Variants in GFRA2 observed in about 807,000 individuals in gnomAD.
GFRA2 encodes GDNF family receptor alpha-2.
GFRA2 carries 17 observed loss-of-function variants against 48.3 expected under a neutral mutation model. The observed-to-expected ratio is 0.35, with a 90% CI of 0.24 to 0.53. The LOEUF (loss-of-function observed/expected upper bound fraction) is 0.53. Among genes scored for constraint, GFRA2 ranks in the 20% least tolerant of loss-of-function variants. The probability of loss-of-function intolerance (pLI) is 0.93; values close to 1 mark genes in which losing one functional copy is unlikely to be tolerated. For missense variants in GFRA2, 660 were observed against 637.3 expected (o/e 1.04, Z -0.38); for synonymous variants, 305 against 257.2 (o/e 1.19, Z -1.78).
chr8:21,809,063 G>C (rs570610368), intron 1 of GFRA2, among the ~76,000 whole-genome samples: 8 of 152,324 alleles, frequency 5.3e-5, no homozygotes, highest in African/African-American at 1.7e-4. Flanking sequence ...GAGTGGATAA[G>C]GAGGGTAGTG....
intron 4 of GFRA2, among the ~76,000 whole-genome samples, chr8:21,740,561 T>C (rs1355393553): frequency 6.6e-6 from 1 of 152,132 alleles, no homozygotes; most frequent in African/African-American, 2.4e-5. Context: ...ACTCCTAGAA[T>C]ACCATAATAA....
In GFRA2 at chr8:21,705,954, C is replaced by T. The variant is rs771185776; in HGVS notation, c.882G>A (p.Leu294=). Residue 294 remains leucine (L), a synonymous_variant, in exon 5 of 9, where the codon CTG becomes CTA. Coordinates refer to ENST00000524240, the MANE Select transcript of GFRA2 (RefSeq NM_001495.5). ...SCPADNYQAC[L]GSYAGMIGFD... Reference sequence around the variant, plus strand: ...TACCAATCATGCCAGCATAAGAGCCCAGACACGCCTGGTAATTGTCCGCAG... The same window carrying T: ...TACCAATCATGCCAGCATAAGAGCCTAGACACGCCTGGTAATTGTCCGCAG... The T allele has an allele frequency of 4.9e-5, 77 of 1,568,992 alleles. No homozygotes were observed. The highest frequency in any genetic ancestry group is 6.5e-5 in the Non-Finnish European group (75 of 1,156,152).
chr8:21,704,799 C>T (rs1802656575), intron 6 of GFRA2, among the ~76,000 whole-genome samples, 186 bp downstream of exon 6: 1 of 152,142 alleles, frequency 6.6e-6, no homozygotes. Flanking sequence ...TGAGGCTGGC[C>T]TACTGACAGC....
chr8:21,695,844 A>T (rs1802138258), intron 7 of GFRA2, among the ~76,000 whole-genome samples: 1 of 152,062 alleles, frequency 6.6e-6, no homozygotes, highest in Non-Finnish European at 1.5e-5. Flanking sequence ...ATCCTTGCTC[A>T]GTCACCTCAG....
Position 21,745,520 on chromosome 8 carries a change from T to A in GFRA2, c.794+5068A>T, listed in dbSNP as rs548180851. On this transcript the variant is annotated intron_variant, in intron 4 of 8. Coordinates refer to ENST00000524240, the MANE Select transcript of GFRA2 (RefSeq NM_001495.5). Reference sequence around the variant, plus strand: ...GGCAGGTTGGGGGTTCTGCAATTCCTGCTGCAAACACCCTGGCATTGGGCT... The same window carrying A: ...GGCAGGTTGGGGGTTCTGCAATTCCAGCTGCAAACACCCTGGCATTGGGCT... Among the ~76,000 whole-genome samples, 10 of 152,340 alleles carry A rather than the reference T, an allele frequency of 6.6e-5. No individual in the cohort carries two copies. In the South Asian group the frequency reaches 2.1e-3, roughly 32 times the overall value.
At chr8:21,699,007 T>C (rs1802342688) in intron 7 of GFRA2, among the ~76,000 whole-genome samples, 1 of 152,176 alleles carries the variant, frequency 6.6e-6, no homozygotes, top group Admixed American at 6.5e-5. Flanking sequence ...CTGGACCCCA[T>C]CACCCTCTAC....
In GFRA2 at chr8:21,782,555, T is replaced by C. The variant is rs952389239; in HGVS notation, c.355+30A>G. ...TCCTCTCTGCCTGCGCCACACCCCC[T>C]CCCCTTGGGCAAGCCCCGCCCAGGC... On this transcript the variant is annotated intron_variant, in intron 2 of 8. Transcript: ENST00000524240. 6 of 1,513,756 alleles carry C rather than the reference T, an allele frequency of 4.0e-6. No individual in the cohort carries two copies. The East Asian group carries it at 1.2e-4, about 31-fold the overall frequency. 93.8% of individuals were successfully genotyped at this position (1,513,756 alleles called of 1,614,324 possible).
chr8:21,738,773 G>A (rs1429175289), intron 4 of GFRA2, among the ~76,000 whole-genome samples: 1 of 152,170 alleles, frequency 6.6e-6, no homozygotes, highest in Non-Finnish European at 1.5e-5. Context: ...CACCAAGCCT[G>A]TGGGGGCCGG....
In GFRA2 at chr8:21,774,960, G is replaced by C; in HGVS notation, c.439+12C>G. On this transcript the variant is annotated intron_variant, in intron 3 of 8. Coordinates refer to ENST00000524240, the MANE Select transcript of GFRA2 (RefSeq NM_001495.5). The stretch of plus-strand genomic sequence containing the variant: ...AGGAGAACGGGCCAAGTCCCAGTGC[G>C]AGCTCACTTACCTGAGAAGATTGAA... 1 of 1,500,918 alleles carries C rather than the reference G, an allele frequency of 6.7e-7. No homozygotes were observed. The highest frequency in any genetic ancestry group is 9.3e-7 in the Non-Finnish European group (1 of 1,077,436). The allele number at this position is 1,500,918 out of a possible 1,614,324, so 93.0% of individuals were successfully genotyped here.
rs751796447 is a variant in GFRA2, at chr8:21,694,521, C to T, written c.1219-4G>A. 7.5e-6 allele frequency: 12 copies of T among 1,609,260 alleles called. No individual in the cohort carries two copies. Among genetic ancestry groups the T allele is most frequent in the South Asian group, 2.2e-5 (2 of 89,858 alleles). On this transcript the variant is annotated splice_region_variant and splice_polypyrimidine_tract_variant and intron_variant, in intron 7 of 8. Transcript: ENST00000524240. ...TGTTGGCCTTCAGCCCCTGCTCCTG[C>T]GAGAGAGAAGGTGCCAGTCAGGACG...
At chr8:21,762,820 G>A (rs990473416) in intron 3 of GFRA2, among the ~76,000 whole-genome samples, 2 of 151,912 alleles carry the variant, frequency 1.3e-5, no homozygotes, top group African/African-American at 2.4e-5. Context: ...GTATTTGGGG[G>A]GTTTTTTAAT....
At chr8:21,763,534 A>G (rs149661104) in intron 3 of GFRA2, among the ~76,000 whole-genome samples, 3,381 of 152,070 alleles carry the variant, frequency 0.022, 71 homozygotes, top group Non-Finnish European at 0.035. Flanking sequence ...ACAACACTCT[A>G]TCTGCCTCCA....
intron 2 of GFRA2, among the ~76,000 whole-genome samples, chr8:21,800,667 G>A (rs1356162092): frequency 6.6e-6 from 1 of 152,336 alleles, no homozygotes; most frequent in East Asian, 1.9e-4. Context: ...GCTCACGCCT[G>A]TAATCCCAGT....
rs1302420484 is a variant in GFRA2 at position 21,782,852 on chromosome 8, C to T, written c.88G>A (p.Glu30Lys). The change falls in exon 2 of 9, where the codon GAG (glutamate) becomes AAG (lysine). Residue 30 changes from glutamate to lysine, a missense_variant. Physicochemically the swap from Glu to Lys is moderately conservative, Grantham distance 56. Coordinates refer to ENST00000524240, the MANE Select transcript of GFRA2 (RefSeq NM_001495.5). ...ACTGGGGGGCGCCAGCCGTGGAGCT[C>T]GGGGCCCTGCAGGGAGGAAGGGCTG... ...LASPSSLQGP[E>K]LHGWRPPVDC... 35 of 1,568,428 alleles carry T rather than the reference C, an allele frequency of 2.2e-5. No homozygotes were observed. Among genetic ancestry groups the T allele is most frequent in the Non-Finnish European group, 2.8e-5 (33 of 1,164,228 alleles).
chr8:21,742,818 G>T lies in GFRA2; in HGVS notation c.794+7770C>A, dbSNP rs557021468. On this transcript the variant is annotated intron_variant, in intron 4 of 8. Coordinates refer to ENST00000524240, the MANE Select transcript of GFRA2 (RefSeq NM_001495.5). Reference sequence around the variant, plus strand: ...GGTCCTCAAGCACAACTCCACAAGTGGGAGCCTTAGCCAAACAGGATCCGC... The same window carrying T: ...GGTCCTCAAGCACAACTCCACAAGTTGGAGCCTTAGCCAAACAGGATCCGC... 2.0e-5 allele frequency among the ~76,000 whole-genome samples: 3 copies of T among 152,298 alleles called. No homozygotes were observed. The South Asian group carries it at 6.2e-4, about 32-fold the overall frequency.
chr8:21,733,344 C>T (rs1193178460), intron 4 of GFRA2, among the ~76,000 whole-genome samples: 2 of 152,140 alleles, frequency 1.3e-5, no homozygotes, highest in South Asian at 2.1e-4. Flanking sequence ...CCTGGCCTGC[C>T]GGAAGCCCAA....
intron 4 of GFRA2, among the ~76,000 whole-genome samples, chr8:21,713,024 G>C (rs1041701201): frequency 6.7e-6 from 1 of 150,172 alleles, no homozygotes; most frequent in Non-Finnish European, 1.5e-5. Flanking sequence ...ACGAGGGAGA[G>C]GGAGAGGGAG....
chr8:21,804,031 G>T (rs1807814954), intron 2 of GFRA2, among the ~76,000 whole-genome samples: 1 of 152,120 alleles, frequency 6.6e-6, no homozygotes, highest in Admixed American at 6.5e-5. Flanking sequence ...GATATATGAA[G>T]ATAATAAAGA....
At chr8:21,774,387 G>C (rs948850243) in intron 3 of GFRA2, among the ~76,000 whole-genome samples, 3 of 152,118 alleles carry the variant, frequency 2.0e-5, no homozygotes, top group Admixed American at 2.0e-4. Context: ...GACCAGAGTG[G>C]CTCCTGCAGA....
Sources: gnomAD v4.1 joint callset for allele counts (sites outside exome capture counted in the v4.1 genomes callset) on GRCh38, gnomAD v4.1.1 for gene constraint, MANE v1.5 for transcripts, NCBI Gene and HGNC (gene_info 2026-07-23, HGNC 2026-07-21) for gene names.